MCPH1: variants seen among roughly 807,000 people sequenced by gnomAD.
The protein encoded by MCPH1 is microcephalin.
Under a neutral mutation model 84.5 loss-of-function variants are expected in MCPH1, and 104 were observed. That is an observed-to-expected ratio of 1.23 (90% CI 1.05 to 1.45). MCPH1 has a LOEUF of 1.45. MCPH1 is among the 40% of genes most tolerant of loss of function. The pLI, the probability that MCPH1 is intolerant of heterozygous loss-of-function variation, is 0.00. For missense variants in MCPH1, 1,498 were observed against 1,005.7 expected, an observed-to-expected ratio of 1.49 and a Z score of -6.62; for synonymous variants, 514 against 366.8, an observed-to-expected ratio of 1.40 and a Z score of -4.58.
At chr8:6,623,585 A>ATGAC (rs1317452803) in intron 13 of MCPH1, among the ~76,000 whole-genome samples, 4 of 150,280 alleles carry the variant, frequency 2.7e-5, no homozygotes, top group Non-Finnish European at 5.9e-5. Context: ...TATCTTTTAC[A>ATGAC]TGACTGATGG....
chr8:6,576,682 A>ATTTTTTTTTTTTTTT (rs58486084), intron 12 of MCPH1, among the ~76,000 whole-genome samples: 1 of 42,348 alleles, frequency 2.4e-5, no homozygotes, highest in Admixed American at 3.8e-4. Context: ...TAATTTTTGT[A>ATTTTTTTTTTTTTTT]TTTTTTTTTT....
intron 12 of MCPH1, among the ~76,000 whole-genome samples, chr8:6,561,970 G>C (rs372900026): frequency 6.6e-6 from 1 of 152,132 alleles, no homozygotes; most frequent in African/African-American, 2.4e-5. Context: ...GACGCATTCC[G>C]CACCGGTTGC....
chr8:6,541,962 C>T (rs1821656760), intron 12 of MCPH1, among the ~76,000 whole-genome samples: 1 of 149,208 alleles, frequency 6.7e-6, no homozygotes, highest in Non-Finnish European at 1.5e-5. Flanking sequence ...GAGCCGTGAT[C>T]GTGCCACTGC....
chr8:6,542,237 G>A (rs1447482681), intron 12 of MCPH1, among the ~76,000 whole-genome samples: 1 of 152,094 alleles, frequency 6.6e-6, no homozygotes, highest in East Asian at 1.9e-4. Flanking sequence ...AGAATCTTAT[G>A]TATATCTGTC....
At chr8:6,608,275 T>G (rs62496949) in intron 12 of MCPH1, among the ~76,000 whole-genome samples, 1 of 152,150 alleles carries the variant, frequency 6.6e-6, no homozygotes, top group Non-Finnish European at 1.5e-5. Context: ...TGAGCAGGTG[T>G]TGAGGTGTTC....
chr8:6,509,234 TATC>T (rs758137300), intron 12 of MCPH1, among the ~76,000 whole-genome samples: 7 of 152,302 alleles, frequency 4.6e-5, no homozygotes, highest in Admixed American at 3.9e-4. Flanking sequence ...GGAACCAACT[TATC>T]ATCAAATCCT....
intron 12 of MCPH1, among the ~76,000 whole-genome samples, chr8:6,597,943 C>T (rs920793981): frequency 2.6e-5 from 4 of 152,312 alleles, no homozygotes; most frequent in African/African-American, 9.6e-5. Flanking sequence ...TTTCTGCCCC[C>T]AGCACTTGAC....
rs759352591 is a variant in MCPH1, at chr8:6,445,036, C to T, written c.1314C>T (p.Ser438=). 1.9e-6 allele frequency: 3 copies of T among 1,614,200 alleles called. No homozygotes were observed. The highest frequency in any genetic ancestry group is 2.2e-5 in the East Asian group (1 of 44,886). The part of the protein sequence containing the change: ...NLPPESQLPS[S]PAQLSCRSLS... Reference sequence around the variant, plus strand: ...CTCCTGAATCTCAGCTGCCATCAAGCCCTGCTCAGTTGAGCTGCAGAAGTC... The same window carrying T: ...CTCCTGAATCTCAGCTGCCATCAAGTCCTGCTCAGTTGAGCTGCAGAAGTC... The change falls in exon 8 of 14, where the codon AGC becomes AGT. Residue 438 remains serine (S), a synonymous_variant. Transcript: ENST00000344683.
At chr8:6,446,444 C>G (rs947748660) in intron 8 of MCPH1, 8 of 985,194 alleles carry the variant, frequency 8.1e-6, no homozygotes, top group East Asian at 1.1e-4. Context: ...TGTTACATAC[C>G]TTTTCCTTGA....
chr8:6,531,916 G>T (rs1819593194), intron 12 of MCPH1, among the ~76,000 whole-genome samples: 1 of 152,176 alleles, frequency 6.6e-6, no homozygotes, highest in South Asian at 2.1e-4. Context: ...CTTAACTCAA[G>T]AGTTAGATTT....
chr8:6,525,606 G>A (rs1196195847), intron 12 of MCPH1, among the ~76,000 whole-genome samples: 2 of 152,316 alleles, frequency 1.3e-5, no homozygotes, highest in Non-Finnish European at 2.9e-5. Context: ...TTTGTCCAAT[G>A]TGAAACACCA....
In MCPH1 at chr8:6,491,618, C is replaced by G. The variant is rs550646019; in HGVS notation, c.2137-8234C>G. 1.4e-4 allele frequency among the ~76,000 whole-genome samples: 21 copies of G among 152,106 alleles called. No individual in the cohort carries two copies. In the East Asian group the frequency reaches 4.1e-3, roughly 29 times the overall value. The stretch of plus-strand genomic sequence containing the variant: ...TTAGGTATATCTCCTAATGCTATCC[C>G]TCCCCACTCCCCCGACCCCACAACA... On this transcript the variant is annotated intron_variant, in intron 11 of 13. Transcript: ENST00000344683.
chr8:6,608,023 G>C (rs960060443), intron 12 of MCPH1, among the ~76,000 whole-genome samples: 4 of 152,208 alleles, frequency 2.6e-5, no homozygotes, highest in Admixed American at 6.5e-5. Flanking sequence ...TCCACCCCCA[G>C]GAGGTGAGGA....
chr8:6,513,427 G>T (rs1480507081), intron 12 of MCPH1, among the ~76,000 whole-genome samples: 1 of 151,480 alleles, frequency 6.6e-6, no homozygotes, highest in Non-Finnish European at 1.5e-5. Flanking sequence ...CCGCCTCCCG[G>T]GTTCACGCCA....
At chr8:6,461,272 GTC>G (rs1382086960) in intron 9 of MCPH1, among the ~76,000 whole-genome samples, 2 of 131,282 alleles carry the variant, frequency 1.5e-5, no homozygotes, top group African/African-American at 6.9e-5. Context: ...CAGAAAAAGA[GTC>G]TGTTTTTTTT....
chr8:6,465,737 A>C (rs935427112), intron 9 of MCPH1, among the ~76,000 whole-genome samples: 1 of 152,168 alleles, frequency 6.6e-6, no homozygotes, highest in East Asian at 1.9e-4. Context: ...GACTCATGTT[A>C]ATAAGTAACA....
chr8:6,538,666 A>G (rs1053235402), intron 12 of MCPH1, among the ~76,000 whole-genome samples: 15 of 152,198 alleles, frequency 9.9e-5, no homozygotes, highest in Non-Finnish European at 1.9e-4. Context: ...GCCCTAAGCA[A>G]AGATACTCGT....
intron 12 of MCPH1, chr8:6,532,463 T>C (rs1225067242): frequency 5.0e-6 from 8 of 1,613,826 alleles, no homozygotes; most frequent in Non-Finnish European, 6.8e-6. Flanking sequence ...TCTTTCTTCA[T>C]GTTGTCCTGG....
At chr8:6,461,493 A>G (rs1183414322) in intron 9 of MCPH1, among the ~76,000 whole-genome samples, 1 of 135,004 alleles carries the variant, frequency 7.4e-6, no homozygotes, top group East Asian at 2.1e-4. Context: ...TGCCCAGCTA[A>G]TTTTTCTATT....
Sources: gnomAD v4.1 joint callset for allele counts (sites outside exome capture counted in the v4.1 genomes callset) on GRCh38, gnomAD v4.1.1 for gene constraint, MANE v1.5 for transcripts, NCBI Gene and HGNC (gene_info 2026-07-23, HGNC 2026-07-21) for gene names.